The following ITPR1 variants were observed in gnomAD, a reference collection of about 807,000 sequenced individuals.
ITPR1 encodes inositol 1,4,5-trisphosphate receptor type 1.
Under a neutral mutation model 318.4 loss-of-function variants are expected in ITPR1, and 96 were observed. The observed-to-expected ratio is 0.30, with a 90% CI of 0.26 to 0.36. The LOEUF (loss-of-function observed/expected upper bound fraction) is 0.36. Ranked by LOEUF, ITPR1 falls within the 10% of genes least tolerant of loss-of-function variation. The pLI, the probability that ITPR1 is intolerant of heterozygous loss-of-function variation, is 1.00. For missense variants in ITPR1, 2,440 were observed against 3,460.2 expected (o/e 0.71, Z 7.40); for synonymous variants, 1,312 against 1,289.9 (o/e 1.02, Z -0.37).
intron 4 of ITPR1, among the ~76,000 whole-genome samples, chr3:4,621,689 C>T (rs2092640333): frequency 6.6e-6 from 1 of 152,242 alleles, no homozygotes. Flanking sequence ...TTCTGCTTCC[C>T]TCTCAAGCCT....
In ITPR1 at chr3:4,748,011, G is replaced by A. The variant is rs553638734; in HGVS notation, c.5544+12657G>A. ...GGTTGAAGAATATTCATGTTTGGGCGAAGGGAAAGGGAGGAAGGTCTTCTC... is the reference window on the plus strand; with the variant it reads ...GGTTGAAGAATATTCATGTTTGGGCAAAGGGAAAGGGAGGAAGGTCTTCTC... On this transcript the variant is annotated intron_variant, in intron 44 of 61. Transcript: ENST00000649015. Among the ~76,000 whole-genome samples, 199 of 152,308 alleles carry A rather than the reference G, an allele frequency of 1.3e-3. 1 individual carries two copies. The highest frequency in any genetic ancestry group is 4.2e-3 in the African/African-American group (175 of 41,568).
intron 15 of ITPR1, 46 bp from the exon 16 acceptor site, chr3:4,663,019 C>T: frequency 6.3e-7 from 1 of 1,584,650 alleles, no homozygotes; most frequent in Non-Finnish European, 8.6e-7. Flanking sequence ...TTCCAGCCTG[C>T]TGAACACTGA....
At chr3:4,542,614 C>T (rs2084566168) in intron 4 of ITPR1, among the ~76,000 whole-genome samples, 1 of 146,862 alleles carries the variant, frequency 6.8e-6, no homozygotes, top group Non-Finnish European at 1.5e-5. Flanking sequence ...GTTACCTTGC[C>T]TTCCTATTTT....
At chr3:4,754,239 T>G (rs550078453) in intron 44 of ITPR1, among the ~76,000 whole-genome samples, 1 of 152,148 alleles carries the variant, frequency 6.6e-6, no homozygotes, top group East Asian at 1.9e-4. Flanking sequence ...CAACTCCTGC[T>G]TCAGCCCTCG....
rs184372240 is a variant in ITPR1, at chr3:4,676,501, T to A, written c.2780-113T>A. On this transcript the variant is annotated intron_variant, in intron 23 of 61. Transcript: ENST00000649015. ...AGGTTTCCAGGGTCCTGAGATTATGTTGGAATAGGGATATGTTAAATAATT... is the reference window on the plus strand; with the variant it reads ...AGGTTTCCAGGGTCCTGAGATTATGATGGAATAGGGATATGTTAAATAATT... The A allele has an allele frequency of 2.5e-3, 1,879 of 738,408 alleles. 23 individuals are homozygous for A. Among genetic ancestry groups the A allele is most frequent in the South Asian group, 0.018 (953 of 52,352 alleles). The allele number at this position is 738,408 out of a possible 1,614,324, so 45.7% of individuals were successfully genotyped here. A position where few individuals can be genotyped will look rare whatever the true frequency, so the allele number is the denominator to read the frequency against.
intron 4 of ITPR1, among the ~76,000 whole-genome samples, chr3:4,572,719 T>A (rs534907914): frequency 1.1e-4 from 16 of 152,344 alleles, no homozygotes; most frequent in African/African-American, 2.9e-4. Flanking sequence ...TGAAGTTCTG[T>A]TCGCATTAAA....
intron 44 of ITPR1, among the ~76,000 whole-genome samples, chr3:4,738,071 G>A (rs1278426562): frequency 3.3e-5 from 5 of 152,180 alleles, no homozygotes; most frequent in African/African-American, 1.2e-4. Context: ...GAAGGTGGAG[G>A]TCGGAAGGAG....
At chr3:4,672,571 C>T (rs1462262678) in intron 20 of ITPR1, among the ~76,000 whole-genome samples, 2 of 152,086 alleles carry the variant, frequency 1.3e-5, no homozygotes, top group African/African-American at 4.8e-5. Context: ...GGTCAGGTTC[C>T]AGTTAACAAC....
intron 23 of ITPR1, among the ~76,000 whole-genome samples, chr3:4,676,053 A>C (rs1341541559): frequency 6.6e-6 from 1 of 152,116 alleles, no homozygotes; most frequent in African/African-American, 2.4e-5. Flanking sequence ...ATGATCAATA[A>C]AATTTGGGCA....
At chr3:4,770,231 T>C (rs1239367742) in intron 46 of ITPR1, among the ~76,000 whole-genome samples, 6 of 152,208 alleles carry the variant, frequency 3.9e-5, no homozygotes, top group Admixed American at 1.3e-4. Context: ...CACACCTCGA[T>C]TGTGGCTAGA....
At chr3:4,700,650 G>T (rs2125261985) in intron 35 of ITPR1, among the ~76,000 whole-genome samples, 1 of 152,316 alleles carries the variant, frequency 6.6e-6, no homozygotes, top group South Asian at 2.1e-4. Flanking sequence ...TAGGAAAAAA[G>T]CAGATGGTGA....
intron 23 of ITPR1, 25 bp from the exon 24 acceptor site, chr3:4,676,589 C>T (rs538694703): frequency 1.0e-5 from 16 of 1,598,634 alleles, no homozygotes; most frequent in South Asian, 4.4e-5. Context: ...ACATTGTGAC[C>T]GTGGTCTCTC....
At chr3:4,763,114 C>T (rs761403924) in intron 44 of ITPR1, among the ~76,000 whole-genome samples, 6 of 152,176 alleles carry the variant, frequency 3.9e-5, no homozygotes, top group Non-Finnish European at 8.8e-5. Context: ...GAAAACCAAA[C>T]ACCACATGTT....
rs376916499 is a variant in ITPR1, at chr3:4,574,758, T to C, written c.164-53005T>C. On this transcript the variant is annotated intron_variant, in intron 4 of 61. Transcript: ENST00000649015. ...GCTCCTGATGCGTCAGTCACAGTGA[T>C]AATGTCATGGGATTGGAACATCAAT... Among the ~76,000 whole-genome samples the C allele has an allele frequency of 5.9e-5, 9 of 152,342 alleles. 1 individual carries two copies. The South Asian group carries it at 1.9e-3, about 32-fold the overall frequency.
intron 2 of ITPR1, among the ~76,000 whole-genome samples, chr3:4,498,594 G>A (rs920272022): frequency 1.3e-5 from 2 of 152,188 alleles, no homozygotes; most frequent in African/African-American, 4.8e-5. Flanking sequence ...CCTTTCTGAA[G>A]AGACTCTGGT....
At chr3:4,804,160 C>T (rs887246572) in intron 54 of ITPR1, among the ~76,000 whole-genome samples, 22 of 152,344 alleles carry the variant, frequency 1.4e-4, no homozygotes, top group Admixed American at 3.3e-4. Flanking sequence ...GCGTGAGCCA[C>T]CATGCCCCGC....
chr3:4,797,546 C>T (rs1410107410), intron 53 of ITPR1, among the ~76,000 whole-genome samples: 1 of 152,178 alleles, frequency 6.6e-6, no homozygotes, highest in African/African-American at 2.4e-5. Flanking sequence ...GCCCCTCCAC[C>T]TTTGTTTTAG....
chr3:4,768,840 C>T (rs2045990141), intron 46 of ITPR1, 76 bp downstream of exon 46: 5 of 1,416,122 alleles, frequency 3.5e-6, no homozygotes, highest in Admixed American at 4.0e-5. Context: ...GATGGTTCAG[C>T]ACCTCTCACT....
intron 39 of ITPR1, among the ~76,000 whole-genome samples, 178 bp from the exon 40 acceptor site, chr3:4,717,189 A>G (rs2041832305): frequency 6.6e-6 from 1 of 152,222 alleles, no homozygotes; most frequent in Non-Finnish European, 1.5e-5. Context: ...GGTCCTGAGC[A>G]GATGTCACTG....
Sources: allele counts gnomAD v4.1 joint callset (sites outside exome capture counted in the v4.1 genomes callset), GRCh38; gene constraint gnomAD v4.1.1; transcripts MANE v1.5; gene names NCBI Gene and HGNC (gene_info 2026-07-23, HGNC 2026-07-21).